CTSA: variants seen among roughly 807,000 people sequenced by gnomAD.
The protein encoded by CTSA is cathepsin A.
A neutral mutation model predicts 66.7 loss-of-function variants in CTSA; 42 were observed. The ratio of observed to expected loss-of-function variants is 0.63; its 90% CI spans 0.49 to 0.81. The LOEUF (loss-of-function observed/expected upper bound fraction) is 0.81, where lower values mean the gene tolerates loss of function less well. Ranked by LOEUF, CTSA falls within the 40% of genes least tolerant of loss-of-function variation. The pLI is 0.00. For synonymous variants in CTSA, 225 were observed against 248.6 expected, an observed-to-expected ratio of 0.91 and a Z score of 0.89; for missense variants, 525 against 610.9, an observed-to-expected ratio of 0.86 and a Z score of 1.48.
At position 45,894,156 on chromosome 20, in the gene CTSA, G is replaced by C. The variant is rs1255962474; in HGVS notation, c.777+84G>C. On this transcript the variant is annotated intron_variant, in intron 8 of 14. Transcript: ENST00000646241. Reference sequence around the variant, plus strand: ...CACATTCCCTCCTTGGGGACTCCTTGTTCTCCGTCCCTCATTGCTTTCTTG... The same window carrying C: ...CACATTCCCTCCTTGGGGACTCCTTCTTCTCCGTCCCTCATTGCTTTCTTG... The C allele has an allele frequency of 1.3e-5, 13 of 973,134 alleles. No individual in the cohort carries two copies. The Admixed American group carries it at 2.2e-4, about 16-fold the overall frequency. The allele number at this position is 973,134 out of a possible 1,614,324, so 60.3% of individuals were successfully genotyped here. A position where few individuals can be genotyped will look rare whatever the true frequency, so the allele number is the denominator to read the frequency against.
Position 45,898,528 on chromosome 20 carries a change from A to G in CTSA, c.*78A>G. On this transcript the variant is annotated 3_prime_UTR_variant, in exon 15 of 15. Coordinates refer to ENST00000646241, the MANE Select transcript of CTSA (RefSeq NM_000308.4). The surrounding 1 kb of genome is among the most constrained non-coding windows in gnomAD (Gnocchi z 4.6). ...GCTAGGAGAGTCCTCTTCTAAGCAA[A>G]GTGCCCCTGCAGGCCGGGTTCTGCC... The G allele has an allele frequency of 1.4e-6, 2 of 1,415,726 alleles. No homozygotes were observed. The highest frequency in any genetic ancestry group is 2.4e-5 in the South Asian group (2 of 84,852). The allele number at this position is 1,415,726 out of a possible 1,614,324, so 87.7% of individuals were successfully genotyped here.
Position 45,891,820 on chromosome 20 carries a change from G to A in CTSA, c.194+58G>A, listed in dbSNP as rs554712851. 7.8e-5 allele frequency: 126 copies of A among 1,612,334 alleles called. No individual in the cohort carries two copies. In the African/African-American group the frequency reaches 1.5e-3, roughly 20 times the overall value. On this transcript the variant is annotated intron_variant, in intron 2 of 14. Coordinates refer to ENST00000646241, the MANE Select transcript of CTSA (RefSeq NM_000308.4). This position sits in a 1 kb window ranked among gnomAD's most constrained non-coding sequence, Gnocchi z 4.6. ...AGAAGAGATGACGGATGAGGGATGG[G>A]GGGTAGTTCTGCAGACCCCTGAGGA...
chr20:45,892,055 G>T, intron 3 of CTSA, 28 bp downstream of exon 3: 2 of 1,587,868 alleles, frequency 1.3e-6, no homozygotes, highest in African/African-American at 2.7e-5. Context: ...GGAAAGCACA[G>T]TTCCCAAAGT....
Position 45,891,375 on chromosome 20 carries a change from C to A in CTSA, c.-5C>A. Reference sequence around the variant, plus strand: ...CCTGGAGAGCAAGGACGCGGGGGAGCAGAGGTGAGCTGGCACCGGAGGCTG... The same window carrying A: ...CCTGGAGAGCAAGGACGCGGGGGAGAAGAGGTGAGCTGGCACCGGAGGCTG... On this transcript the variant is annotated 5_prime_UTR_variant, in exon 1 of 15. Coordinates refer to ENST00000646241, the MANE Select transcript of CTSA (RefSeq NM_000308.4). This position sits in a 1 kb window ranked among gnomAD's most constrained non-coding sequence, Gnocchi z 4.6. The A allele has an allele frequency of 6.4e-7, 1 of 1,573,128 alleles. No individual in the cohort carries two copies.
chr20:45,897,198 C>T lies in CTSA; in HGVS notation c.1164+158C>T. 4.2e-6 allele frequency: 3 copies of T among 712,556 alleles called. No homozygotes were observed. The Middle Eastern group carries it at 1.1e-3, about 264-fold the overall frequency. 44.1% of individuals were successfully genotyped at this position (712,556 alleles called of 1,614,324 possible). A position where few individuals can be genotyped will look rare whatever the true frequency, so the allele number is the denominator to read the frequency against. ...GTGATTGGTGGGGTCAGAATTTGAA[C>T]CTGGGTTTGTCCCCACCCATGCTGT... On this transcript the variant is annotated intron_variant, in intron 12 of 14. Coordinates refer to ENST00000646241, the MANE Select transcript of CTSA (RefSeq NM_000308.4).
At chr20:45,892,699 C>T (rs1274489482) in intron 5 of CTSA, 26 bp from the exon 6 acceptor site, 18 of 1,614,022 alleles carry the variant, frequency 1.1e-5, no homozygotes, top group Non-Finnish European at 1.5e-5. Flanking sequence ...TTCCTGATTC[C>T]CTCTGTCTTG....
chr20:45,895,164 G>T, intron 11 of CTSA, 31 bp downstream of exon 11: 1 of 1,613,928 alleles, frequency 6.2e-7, no homozygotes, highest in Non-Finnish European at 8.5e-7. Context: ...GTGACTTGGG[G>T]TGGTGGGTTG....
chr20:45,897,563 G>A (rs1202835739), intron 12 of CTSA, 154 bp from the exon 13 acceptor site: 3 of 672,396 alleles, frequency 4.5e-6, no homozygotes, highest in Non-Finnish European at 5.4e-6. Context: ...TAGAATACTG[G>A]ACATGCAGTA....
At chr20:45,893,366 A>C in intron 7 of CTSA, 55 bp downstream of exon 7, 11 of 1,351,688 alleles carry the variant, frequency 8.1e-6, no homozygotes, top group Non-Finnish European at 1.1e-5. Context: ...ACATGATCTC[A>C]GGTCTGTCCT....
chr20:45,892,777 A>T lies in CTSA; in HGVS notation c.497A>T (p.Glu166Val). ...CAAGATTTCTTCCGCCTCTTTCCGG[A>T]GTACAAGAACAACAAACTTTTCCTG... ...ALQDFFRLFPEYKNNKLFLTG... is the reference protein window; with the variant it reads ...ALQDFFRLFPVYKNNKLFLTG... The change falls in exon 6 of 15, where the codon GAG becomes GTG. Residue 166 changes from glutamate (E) to valine (V), a missense_variant. Glu to Val is a moderately radical substitution (Grantham distance 121). This residue lies in a region of CTSA where 246 missense variants were observed against 267.4 expected (regional missense o/e 0.92). Transcript: ENST00000646241. 1.2e-6 allele frequency: 2 copies of T among 1,614,146 alleles called. No homozygotes were observed. The highest frequency in any genetic ancestry group is 2.2e-5 in the South Asian group (2 of 91,080).
rs1449165363 is a variant in CTSA at position 45,897,015 on chromosome 20, A to G, written c.1139A>G (p.Gln380Arg). Reference sequence around the variant, plus strand: ...CGTCTCTACCGAAGCATGAACTCCCAGTATCTGAAGCTGCTTAGCTCACAG... The same window carrying G: ...CGTCTCTACCGAAGCATGAACTCCCGGTATCTGAAGCTGCTTAGCTCACAG... ...YRRLYRSMNS[Q>R]YLKLLSSQKY... is the part of the protein sequence containing the mutation. The change falls in exon 12 of 15, where the codon CAG becomes CGG. Residue 380 changes from glutamine to arginine, a missense_variant. Coordinates refer to ENST00000646241, the MANE Select transcript of CTSA (RefSeq NM_000308.4). 1.2e-6 allele frequency: 2 copies of G among 1,613,854 alleles called. No homozygotes were observed. Among genetic ancestry groups the G allele is most frequent in the African/African-American group, 2.7e-5 (2 of 74,940 alleles).
At chr20:45,896,694 C>A in intron 11 of CTSA, 1 of 459,914 alleles carries the variant, frequency 2.2e-6, no homozygotes, top group East Asian at 4.4e-5. Context: ...ACCTCGGTCT[C>A]CCAAAGTGCT....
rs893330238 is a variant in CTSA at position 45,895,326 on chromosome 20, A to G, written c.1088+193A>G. ...ATTCTTTTATCTTTTTTAAATTTAA[A>G]ATTTTTTTGTTTGAGACAAGGTCTC... On this transcript the variant is annotated intron_variant, in intron 11 of 14. Transcript: ENST00000646241. 3 of 696,332 alleles carry G rather than the reference A, an allele frequency of 4.3e-6. No individual in the cohort carries two copies. The African/African-American group carries it at 5.4e-5, about 13-fold the overall frequency. 43.1% of individuals were successfully genotyped at this position (696,332 alleles called of 1,614,324 possible). A position where few individuals can be genotyped will look rare whatever the true frequency, so the allele number is the denominator to read the frequency against.
chr20:45,891,700 G>A lies in CTSA; in HGVS notation c.132G>A (p.Gln44=), dbSNP rs779279066. 1.9e-6 allele frequency: 3 copies of A among 1,613,374 alleles called. No individual in the cohort carries two copies. The highest frequency in any genetic ancestry group is 1.3e-5 in the African/African-American group (1 of 75,076). The change falls in exon 2 of 15, where the codon CAG becomes CAA. Residue 44 remains glutamine, a synonymous_variant. Transcript: ENST00000646241. This position sits in a 1 kb window ranked among gnomAD's most constrained non-coding sequence, Gnocchi z 4.6. The part of the protein sequence containing the change: ...EIQRLPGLAK[Q]PSFRQYSGYL... ...AGCGCCTCCCCGGGCTGGCCAAGCA[G>A]CCGTCTTTCCGCCAGTACTCCGGCT...
At position 45,898,058 on chromosome 20, in the gene CTSA, G is replaced by C; in HGVS notation, c.1308G>C (p.Gln436His). ...TGAAGTACGGGGACAGCGGGGAGCA[G>C]ATTGCCGGCTTCGTGAAGGAGTTCT... ...WLVKYGDSGEQIAGFVKEFSH... is the reference protein window; with the variant it reads ...WLVKYGDSGEHIAGFVKEFSH... Residue 436 changes from glutamine (Q) to histidine (H), a missense_variant, in exon 14 of 15, where the codon CAG becomes CAC. Transcript: ENST00000646241. This position sits in a 1 kb window ranked among gnomAD's most constrained non-coding sequence, Gnocchi z 4.6. 6.2e-7 allele frequency: 1 copy of C among 1,614,152 alleles called. No individual in the cohort carries two copies. Among genetic ancestry groups the C allele is most frequent in the Non-Finnish European group, 8.5e-7 (1 of 1,180,022 alleles).
In CTSA at chr20:45,891,469, C is replaced by T. The variant is rs994196870; in HGVS notation, c.-1+90C>T. Reference sequence around the variant, plus strand: ...TCGCGGGTGGGAGCTGGCGCTGGGGCCGGGGCTTCCCTCGCGGAGGCGCCG... The same window carrying T: ...TCGCGGGTGGGAGCTGGCGCTGGGGTCGGGGCTTCCCTCGCGGAGGCGCCG... On this transcript the variant is annotated intron_variant, in intron 1 of 14. Coordinates refer to ENST00000646241, the MANE Select transcript of CTSA (RefSeq NM_000308.4). The surrounding 1 kb of genome is among the most constrained non-coding windows in gnomAD (Gnocchi z 4.6). 9 of 1,545,982 alleles carry T rather than the reference C, an allele frequency of 5.8e-6. No individual in the cohort carries two copies. The African/African-American group carries it at 6.9e-5, about 12-fold the overall frequency.
rs570748475 is a variant in CTSA, at chr20:45,892,580, C to T, written c.444+96C>T. 4.8e-5 allele frequency: 73 copies of T among 1,509,320 alleles called. No individual in the cohort carries two copies. The African/African-American group carries it at 8.4e-4, about 17-fold the overall frequency. 93.5% of individuals were successfully genotyped at this position (1,509,320 alleles called of 1,614,324 possible). A position where few individuals can be genotyped will look rare whatever the true frequency, so the allele number is the denominator to read the frequency against. Reference sequence around the variant, plus strand: ...GAGCATGGCCTTGGAGTCTACTTTTCGCTCTGTCATATGCTATTGTGGTAT... The same window carrying T: ...GAGCATGGCCTTGGAGTCTACTTTTTGCTCTGTCATATGCTATTGTGGTAT... On this transcript the variant is annotated intron_variant, in intron 5 of 14. Coordinates refer to ENST00000646241, the MANE Select transcript of CTSA (RefSeq NM_000308.4).
intron 6 of CTSA, 45 bp downstream of exon 6, chr20:45,892,925 G>A (rs1424688332): frequency 1.9e-6 from 3 of 1,608,682 alleles, no homozygotes; most frequent in African/African-American, 2.7e-5. Context: ...TTGAGGCTGT[G>A]GCCTTACAGT....
At chr20:45,892,521 C>G (rs761034668) in intron 5 of CTSA, 37 bp downstream of exon 5, 2 of 1,591,286 alleles carry the variant, frequency 1.3e-6, no homozygotes, top group Non-Finnish European at 8.6e-7. Flanking sequence ...CCAGGCTCCC[C>G]GGTCCTCCAT....
Sources: gnomAD v4.1 joint callset for allele counts on GRCh38, gnomAD v4.1.1 for gene constraint, gnomAD v4.1.1 regional missense constraint, Gnocchi (gnomAD v3.1) non-coding constraint, MANE v1.5 for transcripts, NCBI Gene and HGNC (gene_info 2026-07-23, HGNC 2026-07-21) for gene names.